PGM2: variants seen among roughly 807,000 people sequenced by gnomAD.
PGM2 encodes the protein phosphoglucomutase 2, also known as phosphopentomutase.
In PGM2, 57 loss-of-function variants were observed where a neutral mutation model predicts 74.6. The ratio of observed to expected loss-of-function variants is 0.76; its 90% CI spans 0.62 to 0.95. The LOEUF (loss-of-function observed/expected upper bound fraction) is 0.95. Ranked by LOEUF, PGM2 falls within the 40% of genes least tolerant of loss-of-function variation. The probability of loss-of-function intolerance (pLI) is 0.00; values close to 1 mark genes in which losing one functional copy is unlikely to be tolerated. For missense variants in PGM2, 706 were observed against 741.9 expected (o/e 0.95, Z 0.56); for synonymous variants, 273 against 260.7 (o/e 1.05, Z -0.46).
intron 12 of PGM2, among the ~76,000 whole-genome samples, chr4:37,854,715 A>G (rs942728425): frequency 6.6e-6 from 1 of 151,682 alleles, no homozygotes; most frequent in Admixed American, 6.6e-5. Context: ...TTTTCTTTGC[A>G]AAGATTCACT....
chr4:37,846,372 T>C (rs1005731144), intron 8 of PGM2, among the ~76,000 whole-genome samples: 4 of 152,122 alleles, frequency 2.6e-5, no homozygotes, highest in African/African-American at 9.7e-5. Context: ...TCTATATCAG[T>C]GTTGAGAAAG....
chr4:37,831,096 A>C (rs1323482847), intron 2 of PGM2, among the ~76,000 whole-genome samples: 10 of 150,546 alleles, frequency 6.6e-5, no homozygotes. Flanking sequence ...TGGGAGGCTG[A>C]GACAGAAGGA....
intron 11 of PGM2, among the ~76,000 whole-genome samples, chr4:37,849,567 C>G (rs1056660825): frequency 1.3e-5 from 2 of 151,542 alleles, no homozygotes; most frequent in Non-Finnish European, 2.9e-5. Flanking sequence ...GTCCCCACAC[C>G]TGGCTGATTT....
intron 13 of PGM2, among the ~76,000 whole-genome samples, chr4:37,858,630 G>A (rs865963762): frequency 2.6e-5 from 4 of 151,716 alleles, no homozygotes; most frequent in Admixed American, 6.6e-5. Flanking sequence ...GATTACAGGC[G>A]TGAGCCACTG....
chr4:37,861,001 T>G lies in PGM2; in HGVS notation c.1737-509T>G, dbSNP rs114515421. 8.9e-3 allele frequency among the ~76,000 whole-genome samples: 1,360 copies of G among 152,264 alleles called. 26 individuals are homozygous for G. The highest frequency in any genetic ancestry group is 0.03 in the African/African-American group (1,234 of 41,574). ...TCCTCAAACCCACCCGGAGGCTCCC[T>G]ATTGCTGTTCATTCTAGGAAGGCTT... On this transcript the variant is annotated intron_variant, in intron 13 of 13. Coordinates refer to ENST00000381967, the MANE Select transcript of PGM2 (RefSeq NM_018290.4).
chr4:37,837,279 C>T (rs1009449465), intron 3 of PGM2, among the ~76,000 whole-genome samples: 15 of 152,252 alleles, frequency 9.9e-5, no homozygotes, highest in Admixed American at 5.2e-4. Context: ...CTGTTAGAAC[C>T]GGGGAAAGGG....
rs144912517 is a variant in PGM2 at position 37,861,583 on chromosome 4, A to G, written c.1810A>G (p.Lys604Glu). ...TGAAGAACATTTTTTCCAGCCACAG[A>G]AGTACAATCTGCAGCCAAAAGCAGA... ...AIEEHFFQPQ[K>E]YNLQPKAD Residue 604 changes from lysine to glutamate, a missense_variant, in exon 14 of 14, where the codon AAG (lysine) becomes GAG (glutamate). Transcript: ENST00000381967. The G allele has an allele frequency of 2.2e-4, 350 of 1,612,996 alleles. No individual in the cohort carries two copies. In the African/African-American group the frequency reaches 4.2e-3, roughly 19 times the overall value.
At chr4:37,854,232 A>G (rs983816290) in intron 12 of PGM2, among the ~76,000 whole-genome samples, 2 of 152,142 alleles carry the variant, frequency 1.3e-5, no homozygotes, top group South Asian at 4.1e-4. Context: ...CTCTATTTTA[A>G]TGGAGTTTTG....
At position 37,848,730 on chromosome 4, in the gene PGM2, AT is replaced by A. The variant is rs1285941083; in HGVS notation, c.1412+80del. The A allele has an allele frequency of 6.8e-6, 7 of 1,029,336 alleles. No homozygotes were observed. The African/African-American group carries it at 1.1e-4, about 16-fold the overall frequency. The allele number at this position is 1,029,336 out of a possible 1,614,324, so 63.8% of individuals were successfully genotyped here. Reference sequence around the variant, plus strand: ...ATATACTTATGCATGAGATACTAATATCCTTTCTAATGCTCTTATTTTGGTG... The same window carrying A: ...ATATACTTATGCATGAGATACTAATACCTTTCTAATGCTCTTATTTTGGTG... On this transcript the variant is annotated intron_variant, in intron 11 of 13. Transcript: ENST00000381967.
chr4:37,841,686 TG>T (rs1238427138), intron 6 of PGM2, among the ~76,000 whole-genome samples: 3 of 152,214 alleles, frequency 2.0e-5, no homozygotes, highest in African/African-American at 7.2e-5. Context: ...TCCAATGGTG[TG>T]TAGTCCAGAC....
chr4:37,844,380 A>G lies in PGM2; in HGVS notation c.736A>G (p.Thr246Ala). 6.2e-7 allele frequency: 1 copy of G among 1,608,370 alleles called. No individual in the cohort carries two copies. The highest frequency in any genetic ancestry group is 8.5e-7 in the Non-Finnish European group (1 of 1,177,360). ...YCFHRSVNRETKVKFVHTSVH... is the reference protein window; with the variant it reads ...YCFHRSVNREAKVKFVHTSVH... ...TGATTCTAGGAGCGTGAACAGGGAG[A>G]CAAAGGTGAAGTTTGTGCACACCTC... The change falls in exon 7 of 14, where the codon ACA (threonine) becomes GCA (alanine). Residue 246 changes from threonine to alanine, a missense_variant. Physicochemically the swap from Thr to Ala is moderately conservative, Grantham distance 58. Coordinates refer to ENST00000381967, the MANE Select transcript of PGM2 (RefSeq NM_018290.4).
chr4:37,844,622 A>G, intron 7 of PGM2, 69 bp downstream of exon 7: 1 of 964,896 alleles, frequency 1.0e-6, no homozygotes, highest in Non-Finnish European at 1.6e-6. Flanking sequence ...CAAGTAAAAT[A>G]CATTTTTATG....
intron 3 of PGM2, among the ~76,000 whole-genome samples, chr4:37,836,207 C>T (rs185753914): frequency 3.7e-4 from 57 of 152,276 alleles, no homozygotes; most frequent in African/African-American, 1.3e-3. Flanking sequence ...GTATCATTTC[C>T]TTAAAGTGAG....
chr4:37,827,766 A>G (rs929029445), intron 1 of PGM2, among the ~76,000 whole-genome samples: 1 of 152,176 alleles, frequency 6.6e-6, no homozygotes, highest in African/African-American at 2.4e-5. Flanking sequence ...GGCCGACTTC[A>G]GGGGCGAGAG....
intron 3 of PGM2, among the ~76,000 whole-genome samples, chr4:37,835,464 A>G (rs1725544250): frequency 6.6e-6 from 1 of 152,234 alleles, no homozygotes; most frequent in South Asian, 2.1e-4. Context: ...GCAGTGTTCC[A>G]GTAAAACTTT....
At chr4:37,841,100 A>ATATATATATATATATATATATATATGTG (rs1202149456) in intron 6 of PGM2, among the ~76,000 whole-genome samples, 1 of 115,786 alleles carries the variant, frequency 8.6e-6, no homozygotes, top group Non-Finnish European at 1.7e-5. Flanking sequence ...ATATATATAT[A>ATATATATATATATATATATATATATGTG]TGTGTGTGTG....
Position 37,830,037 on chromosome 4 carries a change from G to A in PGM2, c.155G>A (p.Gly52Glu). 6.2e-7 allele frequency: 1 copy of A among 1,607,120 alleles called. No homozygotes were observed. The highest frequency in any genetic ancestry group is 2.2e-5 in the East Asian group (1 of 44,526). The part of the protein sequence containing the change: ...GNKEELRKCF[G>E]ARMEFGTAGL... ...AAAGAAGAACTACGAAAATGTTTTG[G>A]GGCCCGAATGGAGTTTGGGACAGCT... The change falls in exon 2 of 14, where the codon GGG (glycine) becomes GAG (glutamate). Residue 52 changes from glycine (G) to glutamate (E), a missense_variant. Around this residue, in one of 3 missense-constraint regions of PGM2, gnomAD observed 332 missense variants for 334.9 expected, o/e 0.99. Transcript: ENST00000381967.
rs1176054493 is a variant in PGM2, at chr4:37,839,924, G to A, written c.518G>A (p.Gly173Asp). ...TASHNPKQDN[G>D]YKVYWDNGAQ... ...TCTCACAATCCAAAGCAGGATAATG[G>A]TTATAAGGTATTTTCCTTTTTCTAC... The change falls in exon 5 of 14, where the codon GGT (glycine) becomes GAT (aspartate). Residue 173 changes from glycine to aspartate, a missense_variant. Physicochemically the swap from Gly to Asp is moderately conservative, Grantham distance 94. This residue lies in a region of PGM2 where 332 missense variants were observed against 334.9 expected (regional missense o/e 0.99). Coordinates refer to ENST00000381967, the MANE Select transcript of PGM2 (RefSeq NM_018290.4). The A allele has an allele frequency of 2.5e-6, 4 of 1,592,860 alleles. No homozygotes were observed. The highest frequency in any genetic ancestry group is 3.4e-6 in the Non-Finnish European group (4 of 1,161,000).
intron 6 of PGM2, among the ~76,000 whole-genome samples, chr4:37,841,680 A>G (rs750171618): frequency 3.7e-4 from 57 of 152,096 alleles, no homozygotes; most frequent in South Asian, 4.1e-4. Context: ...ATTTTTTCCA[A>G]TGGTGTGTAG....
Sources: gnomAD v4.1 joint callset for allele counts (sites outside exome capture counted in the v4.1 genomes callset) on GRCh38, gnomAD v4.1.1 for gene constraint, gnomAD v4.1.1 regional missense constraint, MANE v1.5 for transcripts, NCBI Gene and HGNC (gene_info 2026-07-23, HGNC 2026-07-21) for gene names.